Variants in FOXP1 observed in about 807,000 individuals in gnomAD.
FOXP1 encodes the protein forkhead box protein P1.
In FOXP1, 15 loss-of-function variants were observed where a neutral mutation model predicts 98.2. The ratio of observed to expected loss-of-function variants is 0.15; its 90% CI spans 0.10 to 0.24. The LOEUF is 0.24. Ranked by LOEUF, FOXP1 falls within the 10% of genes least tolerant of loss-of-function variation. The probability of loss-of-function intolerance (pLI) is 1.00; values close to 1 mark genes in which losing one functional copy is unlikely to be tolerated. For synonymous variants in FOXP1, 371 were observed against 314.5 expected (o/e 1.18, Z -1.90); for missense variants, 633 against 848.5 (o/e 0.75, Z 3.15).
chr3:71,281,889 G>A (rs2071606971), intron 5 of FOXP1, among the ~76,000 whole-genome samples: 1 of 150,566 alleles, frequency 6.6e-6, no homozygotes, highest in Non-Finnish European at 1.5e-5. Flanking sequence ...TTGAGTTCAG[G>A]AGTTCAAGAC....
intron 2 of FOXP1, among the ~76,000 whole-genome samples, chr3:71,525,993 C>T (rs1297830744): frequency 2.0e-5 from 3 of 151,898 alleles, no homozygotes; most frequent in Non-Finnish European, 2.9e-5. Flanking sequence ...TGGTGGTGGG[C>T]GCCTGTAATC....
chr3:71,318,725 A>G (rs1034321545), intron 4 of FOXP1, among the ~76,000 whole-genome samples: 3 of 152,220 alleles, frequency 2.0e-5, no homozygotes, highest in East Asian at 1.9e-4. Context: ...AAATCTGACT[A>G]TTCTGAGAGG....
At chr3:71,153,156 T>C (rs2108078723) in intron 6 of FOXP1, among the ~76,000 whole-genome samples, 1 of 152,304 alleles carries the variant, frequency 6.6e-6, no homozygotes, top group South Asian at 2.1e-4. Context: ...ACCCGGCAAT[T>C]GTGCGGCACT....
intron 3 of FOXP1, among the ~76,000 whole-genome samples, chr3:71,467,415 G>C (rs1006144578): frequency 2.6e-5 from 4 of 152,120 alleles, no homozygotes; most frequent in African/African-American, 9.7e-5. Context: ...TAGGTGGGTG[G>C]GTGGTGGACA....
At chr3:71,534,705 C>CAGT (rs2044150452) in intron 2 of FOXP1, among the ~76,000 whole-genome samples, 2 of 152,168 alleles carry the variant, frequency 1.3e-5, no homozygotes, top group Non-Finnish European at 2.9e-5. Context: ...TGCATTTCAA[C>CAGT]AGTAGTCCAC....
intron 10 of FOXP1, among the ~76,000 whole-genome samples, chr3:71,044,747 A>G (rs2048796144): frequency 1.3e-5 from 2 of 152,216 alleles, no homozygotes; most frequent in Admixed American, 1.3e-4. Flanking sequence ...AAATGCAGGC[A>G]CAGGTTTAAA....
At chr3:71,498,085 A>G (rs961124105) in intron 2 of FOXP1, among the ~76,000 whole-genome samples, 4 of 152,166 alleles carry the variant, frequency 2.6e-5, no homozygotes, top group Non-Finnish European at 5.9e-5. Flanking sequence ...AACGCTTTCC[A>G]AGTCCTGTGG....
chr3:71,124,108 T>C (rs1458029170), intron 6 of FOXP1, among the ~76,000 whole-genome samples: 1 of 149,294 alleles, frequency 6.7e-6, no homozygotes, highest in East Asian at 2.0e-4. Context: ...CATGTACCCA[T>C]GAATTTAAAA....
intron 3 of FOXP1, among the ~76,000 whole-genome samples, chr3:71,389,240 G>C (rs868128541): frequency 3.5e-5 from 2 of 57,350 alleles, no homozygotes; most frequent in Non-Finnish European, 7.6e-5. Context: ...GTAAGCGGCG[G>C]GGGGGGGGGG....
chr3:71,171,255 CAG>C (rs944279073), intron 6 of FOXP1, among the ~76,000 whole-genome samples: 8 of 152,070 alleles, frequency 5.3e-5, no homozygotes, highest in South Asian at 2.1e-4. Context: ...TCACTAAAAC[CAG>C]AGAGACATAT....
chr3:71,052,530 T>C lies in FOXP1; in HGVS notation c.510+7A>G. ...TGGTTTGAAAGTAAAATATGTATTG[T>C]CGGTACCTCTTTAGGCTGTTTTCCA... On this transcript the variant is annotated splice_region_variant and intron_variant, in intron 9 of 20. Coordinates refer to ENST00000649528, the MANE Select transcript of FOXP1 (RefSeq NM_001349338.3). 1 of 1,101,810 alleles carries C rather than the reference T, an allele frequency of 9.1e-7. No individual in the cohort carries two copies. The highest frequency in any genetic ancestry group is 1.4e-6 in the Non-Finnish European group (1 of 711,212). 68.3% of individuals were successfully genotyped at this position (1,101,810 alleles called of 1,614,324 possible).
At chr3:71,367,049 C>T (rs145641243) in intron 3 of FOXP1, among the ~76,000 whole-genome samples, 1 of 152,244 alleles carries the variant, frequency 6.6e-6, no homozygotes, top group Non-Finnish European at 1.5e-5. Flanking sequence ...GAGTCATTTG[C>T]TCATTAAAAA....
At chr3:71,170,146 A>G (rs2061578364) in intron 6 of FOXP1, among the ~76,000 whole-genome samples, 1 of 152,232 alleles carries the variant, frequency 6.6e-6, no homozygotes. Context: ...TTAATCTAAA[A>G]TAAAACTGTC....
rs1263278279 is a variant in FOXP1, at chr3:71,448,968, T to A, written c.-168+44458A>T. ...TTATTAGCTAATGTCAAACCCTAGC[T>A]CCAATGAAATCAAAGAACAAAATGC... On this transcript the variant is annotated intron_variant, in intron 3 of 20. Transcript: ENST00000649528. Among the ~76,000 whole-genome samples, 3 of 152,118 alleles carry A rather than the reference T, an allele frequency of 2.0e-5. No homozygotes were observed. The East Asian group carries it at 5.8e-4, about 29-fold the overall frequency.
intron 11 of FOXP1, among the ~76,000 whole-genome samples, chr3:71,023,628 T>C (rs896361180): frequency 6.6e-6 from 1 of 152,240 alleles, no homozygotes; most frequent in Non-Finnish European, 1.5e-5. Flanking sequence ...CACATTTCCC[T>C]GCCTGTGACT....
intron 3 of FOXP1, among the ~76,000 whole-genome samples, chr3:71,429,079 G>A (rs1278100960): frequency 6.6e-6 from 1 of 152,192 alleles, no homozygotes; most frequent in Non-Finnish European, 1.5e-5. Context: ...GAAGGCATCA[G>A]AACCAAGGCA....
intron 13 of FOXP1, among the ~76,000 whole-genome samples, chr3:70,989,814 CGTT>C (rs1392290734): frequency 2.0e-5 from 3 of 152,004 alleles, no homozygotes; most frequent in Non-Finnish European, 4.4e-5. Flanking sequence ...TGGGGGTAAA[CGTT>C]GTTGATGTAG....
At chr3:71,575,308 C>T (rs556529904) in intron 2 of FOXP1, among the ~76,000 whole-genome samples, 1 of 152,348 alleles carries the variant, frequency 6.6e-6, no homozygotes, top group African/African-American at 2.4e-5. Context: ...CAGTTCCACA[C>T]ATCTGAAAGA....
At chr3:71,397,063 TATATATATATAC>T (rs2081538437) in intron 3 of FOXP1, among the ~76,000 whole-genome samples, 1 of 62,846 alleles carries the variant, frequency 1.6e-5, no homozygotes, top group African/African-American at 6.2e-5. Context: ...TATATATGTG[TATATATATATAC>T]ATATATATGT....
Sources: gnomAD v4.1 joint callset for allele counts (sites outside exome capture counted in the v4.1 genomes callset) on GRCh38, gnomAD v4.1.1 for gene constraint, MANE v1.5 for transcripts, NCBI Gene and HGNC (gene_info 2026-07-23, HGNC 2026-07-21) for gene names.